Variants in RNF135 observed in about 807,000 individuals in gnomAD.
RNF135 encodes the protein ring finger protein 135.
RNF135 carries 46 observed loss-of-function variants against 41.9 expected under a neutral mutation model. The ratio of observed to expected loss-of-function variants is 1.10; its 90% CI spans 0.87 to 1.40. RNF135 has a LOEUF of 1.40. Among genes scored for constraint, RNF135 ranks in the 40% most tolerant of loss-of-function variants. The pLI, the probability that RNF135 is intolerant of heterozygous loss-of-function variation, is 0.00. For missense variants in RNF135, 539 were observed against 549.8 expected, an observed-to-expected ratio of 0.98 and a Z score of 0.20; for synonymous variants, 238 against 223.8, an observed-to-expected ratio of 1.06 and a Z score of -0.57.
Position 30,971,442 on chromosome 17 carries a change from G to A in RNF135, c.369G>A (p.Gln123=). The change falls in exon 1 of 5, where the codon CAG becomes CAA. Residue 123 remains glutamine, a synonymous_variant. Transcript: ENST00000328381. ...AARPRRRPEL[Q]RVAVEKSITE... The stretch of plus-strand genomic sequence containing the variant: ...GGCCCCGGCGCCGCCCGGAACTGCA[G>A]CGGGTAGGGAGGCCGGGCCCGCAGC... 1 of 1,506,500 alleles carries A rather than the reference G, an allele frequency of 6.6e-7. No individual in the cohort carries two copies. The highest frequency in any genetic ancestry group is 8.8e-7 in the Non-Finnish European group (1 of 1,135,846). The allele number at this position is 1,506,500 out of a possible 1,614,324, so 93.3% of individuals were successfully genotyped here.
upstream of RNF135, among the ~76,000 whole-genome samples, chr17:30,967,319 C>T (rs1451914154): frequency 1.3e-5 from 2 of 152,110 alleles, no homozygotes; most frequent in East Asian, 1.9e-4. Context: ...TGTGAGCCAC[C>T]GTGCCTGGGC....
chr17:30,984,455 A>T (rs1374689541), intron 1 of RNF135, among the ~76,000 whole-genome samples, 162 bp from the exon 2 acceptor site: 1 of 152,206 alleles, frequency 6.6e-6, no homozygotes, highest in African/African-American at 2.4e-5. Context: ...AAATCATTTA[A>T]CTATATATGT....
At chr17:30,988,677 T>C (rs1174606547) in intron 3 of RNF135, among the ~76,000 whole-genome samples, 1 of 151,506 alleles carries the variant, frequency 6.6e-6, no homozygotes, top group Non-Finnish European at 1.5e-5. Context: ...CTGCCCGCCT[T>C]GGCCTCCCAA....
chr17:30,985,894 G>A (rs896786280), intron 2 of RNF135, among the ~76,000 whole-genome samples: 3 of 152,118 alleles, frequency 2.0e-5, no homozygotes, highest in South Asian at 2.1e-4. Context: ...CCGCACAGTC[G>A]CTCTAGTGTG....
chr17:30,982,475 C>T (rs910043062), intron 1 of RNF135, among the ~76,000 whole-genome samples: 3 of 152,190 alleles, frequency 2.0e-5, no homozygotes, highest in African/African-American at 7.2e-5. Flanking sequence ...GTGCATGTGG[C>T]CCCTGACACA....
At position 30,987,206 on chromosome 17, in the gene RNF135, T is replaced by C. The variant is rs1178111139; in HGVS notation, c.517-738T>C. Among the ~76,000 whole-genome samples, 5 of 150,728 alleles carry C rather than the reference T, an allele frequency of 3.3e-5. No individual in the cohort carries two copies. The South Asian group carries it at 8.4e-4, about 25-fold the overall frequency. ...GGAGCTCTTGCGAAGTGAAATGATA[T>C]AATGATAGAGGTGGGAAAAGGTTCC... On this transcript the variant is annotated intron_variant, in intron 2 of 4. Transcript: ENST00000328381.
chr17:30,970,471 C>G (rs1030065822), upstream of RNF135: 4 of 153,216 alleles, frequency 2.6e-5, no homozygotes, highest in African/African-American at 9.7e-5. Flanking sequence ...GCGTCAGAAT[C>G]ACCTGGGGGA....
chr17:30,977,287 A>G (rs1309181689), intron 1 of RNF135, among the ~76,000 whole-genome samples: 6 of 152,140 alleles, frequency 3.9e-5, no homozygotes, highest in African/African-American at 1.4e-4. Flanking sequence ...TTCTGTGTAT[A>G]TCTTATACTA....
the RNF135 span, chr17:30,959,508 A>T: frequency 6.6e-6 from 1 of 152,258 alleles, no homozygotes; most frequent in African/African-American, 2.4e-5. Flanking sequence ...AGTAGAAGAT[A>T]GTTGGGTTGG....
intron 1 of RNF135, among the ~76,000 whole-genome samples, chr17:30,980,472 C>T (rs1350375640): frequency 1.5e-5 from 2 of 136,636 alleles, no homozygotes; most frequent in African/African-American, 5.5e-5. Flanking sequence ...CCTCACCTCC[C>T]GGACGGGGCG....
chr17:30,981,211 C>G (rs543971825), intron 1 of RNF135, among the ~76,000 whole-genome samples: 39 of 149,200 alleles, frequency 2.6e-4, no homozygotes, highest in Non-Finnish European at 4.6e-4. Flanking sequence ...AAAACGAAAA[C>G]CAGTCAGGCG....
At chr17:30,969,347 G>C (rs533559799), upstream of RNF135, 95 of 152,354 alleles carry the variant, frequency 6.2e-4, no homozygotes, top group African/African-American at 2.2e-3. Context: ...TAATACATCA[G>C]TCAGGATAGG....
the RNF135 span, chr17:30,965,087 A>C: frequency 6.6e-6 from 1 of 152,034 alleles, no homozygotes; most frequent in Non-Finnish European, 1.5e-5. Flanking sequence ...GTGGTGACTC[A>C]TGCTGTAATC....
At position 30,984,597 on chromosome 17, in the gene RNF135, T is replaced by G. The variant is rs1425178695; in HGVS notation, c.373-20T>G. 1 of 1,614,140 alleles carries G rather than the reference T, an allele frequency of 6.2e-7. No individual in the cohort carries two copies. Among genetic ancestry groups the G allele is most frequent in the Admixed American group, 1.7e-5 (1 of 60,020 alleles). Reference sequence around the variant, plus strand: ...GTCCAGTTTTATAGAACCCAGGACCTGAACTTTGCTATTTTGAAGGTGGCA... The same window carrying G: ...GTCCAGTTTTATAGAACCCAGGACCGGAACTTTGCTATTTTGAAGGTGGCA... On this transcript the variant is annotated intron_variant, in intron 1 of 4. Coordinates refer to ENST00000328381, the MANE Select transcript of RNF135 (RefSeq NM_032322.4).
upstream of RNF135, among the ~76,000 whole-genome samples, chr17:30,967,976 AAT>A (rs1194241567): frequency 6.6e-6 from 1 of 151,946 alleles, no homozygotes; most frequent in Non-Finnish European, 1.5e-5. Context: ...AGAATGACAA[AAT>A]GTCTGATGTA....
chr17:30,966,354 T>TTTA (rs1555571377), upstream of RNF135, among the ~76,000 whole-genome samples: 750 of 148,192 alleles, frequency 5.1e-3, 10 homozygotes, highest in African/African-American at 0.018. Context: ...TTTATTTTTA[T>TTTA]TTTATTTATT....
intron 2 of RNF135, among the ~76,000 whole-genome samples, chr17:30,985,300 A>C (rs1477114435): frequency 1.3e-5 from 2 of 152,124 alleles, no homozygotes; most frequent in Admixed American, 6.6e-5. Context: ...ATGCACAAAT[A>C]ATAGCTCCAG....
At chr17:30,979,638 G>T (rs1189469034) in intron 1 of RNF135, among the ~76,000 whole-genome samples, 1 of 111,718 alleles carries the variant, frequency 9.0e-6, no homozygotes, top group Non-Finnish European at 1.9e-5. Flanking sequence ...CCTCCCGGAC[G>T]GGGCGGCTGG....
chr17:30,984,360 T>C (rs1907433089), intron 1 of RNF135, among the ~76,000 whole-genome samples: 1 of 152,222 alleles, frequency 6.6e-6, no homozygotes, highest in Non-Finnish European at 1.5e-5. Flanking sequence ...CCATATTCTT[T>C]TGCATATAGA....
Sources: allele counts gnomAD v4.1 joint callset (sites outside exome capture counted in the v4.1 genomes callset), GRCh38; gene constraint gnomAD v4.1.1; transcripts MANE v1.5; gene names NCBI Gene and HGNC (gene_info 2026-07-23, HGNC 2026-07-21).